ADAMTS20: variants seen among roughly 807,000 people sequenced by gnomAD.
The protein encoded by ADAMTS20 is ADAM metallopeptidase with thrombospondin type 1 motif 20.
In ADAMTS20, 225 loss-of-function variants were observed where a neutral mutation model predicts 260.1. The ratio of observed to expected loss-of-function variants is 0.87; its 90% CI spans 0.78 to 0.97. The LOEUF is 0.97. Ranked by LOEUF, ADAMTS20 falls within the 50% of genes least tolerant of loss-of-function variation. The pLI, the probability that ADAMTS20 is intolerant of heterozygous loss-of-function variation, is 0.00. For synonymous variants in ADAMTS20, 802 were observed against 769.5 expected (o/e 1.04, Z -0.70); for missense variants, 2,400 against 2,337.7 (o/e 1.03, Z -0.55).
intron 11 of ADAMTS20, among the ~76,000 whole-genome samples, chr12:43,455,744 C>T (rs1232434895): frequency 3.8e-4 from 58 of 150,798 alleles, no homozygotes; most frequent in Admixed American, 3.0e-3. Context: ...AGTCTCGCTC[C>T]GTCACCCAGG....
At chr12:43,448,153 T>C (rs1278292140) in intron 14 of ADAMTS20, among the ~76,000 whole-genome samples, 1 of 145,080 alleles carries the variant, frequency 6.9e-6, no homozygotes, top group Non-Finnish European at 1.6e-5. Flanking sequence ...AAAATTCACA[T>C]GGAACCAAAA....
intron 7 of ADAMTS20, among the ~76,000 whole-genome samples, chr12:43,477,694 T>C (rs1380805322): frequency 6.6e-6 from 1 of 152,190 alleles, no homozygotes. Flanking sequence ...TGCAGGCATA[T>C]GTACACACAT....
downstream of ADAMTS20, among the ~76,000 whole-genome samples, chr12:43,353,294 T>C (rs1172271913): frequency 1.3e-5 from 2 of 152,000 alleles, no homozygotes; most frequent in African/African-American, 4.8e-5. Context: ...CTTTTACATA[T>C]GCCAATATAT....
chr12:43,492,758 T>A, intron 5 of ADAMTS20, 129 bp from the exon 6 acceptor site: 1 of 988,656 alleles, frequency 1.0e-6, no homozygotes, highest in Admixed American at 2.6e-5. Context: ...ACAGCATCTC[T>A]TCTTCATATA....
At chr12:43,467,645 C>T (rs900667992) in intron 8 of ADAMTS20, among the ~76,000 whole-genome samples, 1 of 152,048 alleles carries the variant, frequency 6.6e-6, no homozygotes, top group African/African-American at 2.4e-5. Context: ...CCAGATGTTG[C>T]CGCAATACTT....
chr12:43,487,906 C>G (rs761941435), intron 7 of ADAMTS20, among the ~76,000 whole-genome samples: 10 of 152,044 alleles, frequency 6.6e-5, no homozygotes, highest in Admixed American at 5.9e-4. Context: ...CATGATGTTG[C>G]AGACTCAAGT....
intron 29 of ADAMTS20, among the ~76,000 whole-genome samples, chr12:43,394,198 GA>G: frequency 6.6e-6 from 1 of 152,128 alleles, no homozygotes; most frequent in Admixed American, 6.6e-5. Flanking sequence ...TTTGTTATAC[GA>G]AAAATAAAAG....
intron 37 of ADAMTS20, among the ~76,000 whole-genome samples, chr12:43,364,661 C>A (rs1343702766): frequency 1.3e-5 from 2 of 151,796 alleles, no homozygotes; most frequent in Admixed American, 6.6e-5. Flanking sequence ...GTTAATGATG[C>A]AATCTGAAGA....
At chr12:43,460,553 C>T (rs1250482777) in intron 11 of ADAMTS20, among the ~76,000 whole-genome samples, 1 of 152,134 alleles carries the variant, frequency 6.6e-6, no homozygotes, top group Non-Finnish European at 1.5e-5. Flanking sequence ...TGATGTTAAA[C>T]ATACACTCAC....
In ADAMTS20 at chr12:43,363,118, C is replaced by T. The variant is rs542135102; in HGVS notation, c.5538+6172G>A. Among the ~76,000 whole-genome samples, 213 of 152,132 alleles carry T rather than the reference C, an allele frequency of 1.4e-3. 1 individual carries two copies. Among genetic ancestry groups the T allele is most frequent in the Middle Eastern group, 3.4e-3 (1 of 294 alleles). ...AACCATGACTCACCCTCTTTTCCTC[C>T]CACCTCCCATGACTCGCCCTCTTTT... is the stretch of plus-strand genomic sequence containing the variant. On this transcript the variant is annotated intron_variant, in intron 37 of 38. Coordinates refer to ENST00000389420, the MANE Select transcript of ADAMTS20 (RefSeq NM_025003.5).
rs1479282093 is a variant in ADAMTS20, at chr12:43,432,825, GT to G, written c.2721-15del. 1 of 1,594,386 alleles carries G rather than the reference GT, an allele frequency of 6.3e-7. No individual in the cohort carries two copies. The highest frequency in any genetic ancestry group is 1.7e-5 in the Admixed American group (1 of 59,988). On this transcript the variant is annotated splice_polypyrimidine_tract_variant and intron_variant, in intron 19 of 38. Coordinates refer to ENST00000389420, the MANE Select transcript of ADAMTS20 (RefSeq NM_025003.5). ...ATAACATGCCACCTTGAAAAAAGAT[GT>G]TACTATACTTAGGAGGTATATTACA... is the stretch of plus-strand genomic sequence containing the variant.
At chr12:43,396,568 G>A (rs1940708345) in intron 29 of ADAMTS20, among the ~76,000 whole-genome samples, 1 of 152,112 alleles carries the variant, frequency 6.6e-6, no homozygotes, top group African/African-American at 2.4e-5. Context: ...GCAGAGATTT[G>A]GGGACTGTGT....
chr12:43,372,248 A>T (rs1281105221), intron 36 of ADAMTS20, among the ~76,000 whole-genome samples: 1 of 152,208 alleles, frequency 6.6e-6, no homozygotes, highest in African/African-American at 2.4e-5. Flanking sequence ...AAGATGAAGA[A>T]TAACTTGCCA....
At chr12:43,487,779 A>G (rs1942545247) in intron 7 of ADAMTS20, among the ~76,000 whole-genome samples, 1 of 152,154 alleles carries the variant, frequency 6.6e-6, no homozygotes, top group Non-Finnish European at 1.5e-5. Flanking sequence ...ATTCTTGAAG[A>G]AAAGAAGCTG....
intron 28 of ADAMTS20, among the ~76,000 whole-genome samples, chr12:43,406,519 G>C (rs1009187091): frequency 6.6e-6 from 1 of 152,062 alleles, no homozygotes; most frequent in Non-Finnish European, 1.5e-5. Flanking sequence ...AGAATTTCAA[G>C]TCAAAACAGA....
In ADAMTS20 at chr12:43,429,727, G is replaced by C. The variant is rs1941403749; in HGVS notation, c.3382-3C>G. ...GAGCAAGGTGTAAGTACACAGCTCTGTTCAGAAGAAAAATGGTTCTCGTAA... is the reference window on the plus strand; with the variant it reads ...GAGCAAGGTGTAAGTACACAGCTCTCTTCAGAAGAAAAATGGTTCTCGTAA... On this transcript the variant is annotated splice_region_variant and splice_polypyrimidine_tract_variant and intron_variant, in intron 23 of 38. Transcript: ENST00000389420. The C allele has an allele frequency of 2.1e-5, 32 of 1,539,150 alleles. No homozygotes were observed. The highest frequency in any genetic ancestry group is 2.7e-5 in the Non-Finnish European group (31 of 1,141,656).
At chr12:43,376,451 AC>A (rs1259406412) in intron 33 of ADAMTS20, 72 bp downstream of exon 33, 2 of 1,506,476 alleles carry the variant, frequency 1.3e-6, no homozygotes, top group African/African-American at 2.8e-5. Flanking sequence ...GTGTGAAACT[AC>A]TACAGATATT....
intron 2 of ADAMTS20, 123 bp from the exon 3 acceptor site, chr12:43,532,318 C>T: frequency 1.2e-6 from 1 of 814,756 alleles, no homozygotes. Flanking sequence ...CACTAAGAGC[C>T]ATCAACTGAG....
rs112419434 is a variant in ADAMTS20, at chr12:43,516,655, G to C, written c.614-14250C>G. Among the ~76,000 whole-genome samples, 19 of 152,080 alleles carry C rather than the reference G, an allele frequency of 1.2e-4. 1 individual carries two copies. Among genetic ancestry groups the C allele is most frequent in the African/African-American group, 2.2e-4 (9 of 41,514 alleles). ...AAAACAAAAATGATGTCCTTACAGA[G>C]CTTATATCGTATGGTCCATTATTTT... On this transcript the variant is annotated intron_variant, in intron 3 of 38. Transcript: ENST00000389420.
Sources: gnomAD v4.1 joint callset for allele counts (sites outside exome capture counted in the v4.1 genomes callset) on GRCh38, gnomAD v4.1.1 for gene constraint, MANE v1.5 for transcripts, NCBI Gene and HGNC (gene_info 2026-07-23, HGNC 2026-07-21) for gene names.